CRIM1: variants seen among roughly 807,000 people sequenced by gnomAD.
The protein encoded by CRIM1 is cysteine-rich motor neuron 1 protein.
CRIM1 carries 32 observed loss-of-function variants against 116.4 expected under a neutral mutation model. The ratio of observed to expected loss-of-function variants is 0.27; its 90% CI spans 0.21 to 0.37. The LOEUF (loss-of-function observed/expected upper bound fraction) is 0.37, where lower values mean the gene tolerates loss of function less well. Ranked by LOEUF, CRIM1 falls within the 10% of genes least tolerant of loss-of-function variation. The pLI is 1.00. For missense variants in CRIM1, 1,331 were observed against 1,354.8 expected, an observed-to-expected ratio of 0.98 and a Z score of 0.28; for synonymous variants, 590 against 509.2, an observed-to-expected ratio of 1.16 and a Z score of -2.13.
intron 1 of CRIM1, among the ~76,000 whole-genome samples, chr2:36,382,507 C>A (rs138375359): frequency 1.1e-4 from 17 of 152,358 alleles, no homozygotes; most frequent in Non-Finnish European, 2.5e-4. Context: ...AATGTCCTTT[C>A]CTCTCTTCTC....
chr2:36,373,235 A>G (rs141259674), intron 1 of CRIM1, among the ~76,000 whole-genome samples: 1 of 152,348 alleles, frequency 6.6e-6, no homozygotes, highest in Admixed American at 6.5e-5. Flanking sequence ...ACTTTTCCTC[A>G]GACATTAGTA....
chr2:36,484,294 T>A (rs1273465778), intron 7 of CRIM1, among the ~76,000 whole-genome samples: 1 of 152,208 alleles, frequency 6.6e-6, no homozygotes, highest in East Asian at 1.9e-4. Flanking sequence ...GGGCAAGGAT[T>A]TTTTTTACAT....
chr2:36,478,805 C>A lies in CRIM1; in HGVS notation c.1175-692C>A, dbSNP rs1042491947. On this transcript the variant is annotated intron_variant, in intron 6 of 16. Coordinates refer to ENST00000280527, the MANE Select transcript of CRIM1 (RefSeq NM_016441.3). Reference sequence around the variant, plus strand: ...GAGGGATAAGAGAGGGTTTCATATGCAGTATTTATATACTTGTCAGTAACC... The same window carrying A: ...GAGGGATAAGAGAGGGTTTCATATGAAGTATTTATATACTTGTCAGTAACC... 4.0e-5 allele frequency among the ~76,000 whole-genome samples: 6 copies of A among 151,702 alleles called. No individual in the cohort carries two copies. The East Asian group carries it at 9.7e-4, about 25-fold the overall frequency.
chr2:36,434,368 T>C (rs1675127779), intron 2 of CRIM1, among the ~76,000 whole-genome samples: 1 of 152,216 alleles, frequency 6.6e-6, no homozygotes, highest in African/African-American at 2.4e-5. Flanking sequence ...AAAATGTAGC[T>C]ATTGACTAAA....
At chr2:36,537,688 A>T (rs1289472960) in intron 14 of CRIM1, 142 bp downstream of exon 14, 2 of 922,482 alleles carry the variant, frequency 2.2e-6, no homozygotes, top group Non-Finnish European at 3.2e-6. Flanking sequence ...CTCCACCCAA[A>T]GACCCTATGG....
chr2:36,476,399 A>T (rs75230764), intron 5 of CRIM1, among the ~76,000 whole-genome samples: 21 of 152,222 alleles, frequency 1.4e-4, no homozygotes, highest in African/African-American at 4.1e-4. Flanking sequence ...TATTAAAATT[A>T]TACGTGTTTA....
At chr2:36,380,376 T>C (rs1670652584) in intron 1 of CRIM1, among the ~76,000 whole-genome samples, 1 of 152,166 alleles carries the variant, frequency 6.6e-6, no homozygotes, top group Non-Finnish European at 1.5e-5. Flanking sequence ...CTGCTCCTCT[T>C]GGGTCTGGAT....
At chr2:36,544,294 G>C (rs1667158400) in intron 14 of CRIM1, 82 bp from the exon 15 acceptor site, 1 of 1,210,966 alleles carries the variant, frequency 8.3e-7, no homozygotes, top group East Asian at 2.9e-5. Context: ...CTTGAATTGA[G>C]TGCACCATTT....
chr2:36,465,889 CT>C (rs546998292), intron 5 of CRIM1, among the ~76,000 whole-genome samples: 7,124 of 143,128 alleles, frequency 0.05, 280 homozygotes, highest in African/African-American at 0.12. Flanking sequence ...CTTTAGTATT[CT>C]TTTTTTTTTT....
intron 1 of CRIM1, among the ~76,000 whole-genome samples, chr2:36,393,892 A>T (rs1236332982): frequency 6.6e-6 from 1 of 152,252 alleles, no homozygotes; most frequent in Non-Finnish European, 1.5e-5. Context: ...TGCCATGAAG[A>T]AGCTGATATT....
At chr2:36,373,589 A>AT (rs985473071) in intron 1 of CRIM1, among the ~76,000 whole-genome samples, 5 of 152,200 alleles carry the variant, frequency 3.3e-5, no homozygotes, top group African/African-American at 1.2e-4. Flanking sequence ...CCGATGGGGC[A>AT]TTTTGAGAGG....
chr2:36,528,969 A>C (rs557025209), intron 13 of CRIM1, among the ~76,000 whole-genome samples: 6 of 152,248 alleles, frequency 3.9e-5, no homozygotes, highest in African/African-American at 1.2e-4. Flanking sequence ...CCGGCTGTGT[A>C]AACAGAAATT....
chr2:36,370,591 A>G (rs1169467114), intron 1 of CRIM1, among the ~76,000 whole-genome samples: 1 of 152,190 alleles, frequency 6.6e-6, no homozygotes, highest in Non-Finnish European at 1.5e-5. Flanking sequence ...AATTACAGCT[A>G]TGTTTGGCAC....
Position 36,549,320 on chromosome 2 carries a change from G to A in CRIM1, c.*619G>A, listed in dbSNP as rs567027662. 3.9e-5 allele frequency: 6 copies of A among 152,620 alleles called. No homozygotes were observed. The highest frequency in any genetic ancestry group is 9.7e-5 in the African/African-American group (4 of 41,424). 9.5% of individuals were successfully genotyped at this position (152,620 alleles called of 1,614,324 possible). On this transcript the variant is annotated 3_prime_UTR_variant, in exon 17 of 17. Transcript: ENST00000280527. ...GGCAGTGAGGAAGCCAGAGAAATGC[G>A]ATAGCGGCATTTCTCTAAAGCGGGT...
At chr2:36,532,160 A>G (rs1403180432) in intron 13 of CRIM1, 2 of 357,400 alleles carry the variant, frequency 5.6e-6, no homozygotes, top group Non-Finnish European at 1.1e-5. Context: ...ACGTTTCAAA[A>G]TTGGCCCTGG....
intron 2 of CRIM1, among the ~76,000 whole-genome samples, chr2:36,412,353 T>G (rs1053309561): frequency 3.9e-5 from 6 of 152,208 alleles, no homozygotes; most frequent in Admixed American, 3.9e-4. Flanking sequence ...GTCACCAGAT[T>G]TCTGCGTTTA....
At chr2:36,451,300 C>A (rs192006068) in intron 4 of CRIM1, among the ~76,000 whole-genome samples, 105 of 151,384 alleles carry the variant, frequency 6.9e-4, no homozygotes, top group Middle Eastern at 6.8e-3. Context: ...ACACAACATG[C>A]ACACACACAC....
chr2:36,482,828 C>T (rs905937618), intron 7 of CRIM1, among the ~76,000 whole-genome samples: 1 of 152,200 alleles, frequency 6.6e-6, no homozygotes, highest in African/African-American at 2.4e-5. Context: ...AACAGCATCA[C>T]TAAATATGGC....
chr2:36,443,557 C>G (rs1320863838), intron 4 of CRIM1, among the ~76,000 whole-genome samples: 1 of 152,164 alleles, frequency 6.6e-6, no homozygotes, highest in Non-Finnish European at 1.5e-5. Flanking sequence ...AGCTTTCGTT[C>G]TGCGTTTAAT....
Sources: allele counts gnomAD v4.1 joint callset (sites outside exome capture counted in the v4.1 genomes callset), GRCh38; gene constraint gnomAD v4.1.1; transcripts MANE v1.5; gene names NCBI Gene and HGNC (gene_info 2026-07-23, HGNC 2026-07-21).